ZC3H13: variants seen among roughly 807,000 people sequenced by gnomAD.
The protein encoded by ZC3H13 is zinc finger CCCH domain-containing protein 13.
ZC3H13 carries 64 observed loss-of-function variants against 204.1 expected under a neutral mutation model. That is an observed-to-expected ratio of 0.31 (90% CI 0.26 to 0.39). The LOEUF is 0.39. Among genes scored for constraint, ZC3H13 ranks in the 10% least tolerant of loss-of-function variants. The pLI is 1.00. For missense variants in ZC3H13, 1,833 were observed against 2,082.7 expected (o/e 0.88, Z 2.33); for synonymous variants, 667 against 693.7 (o/e 0.96, Z 0.60).
intron 4 of ZC3H13, among the ~76,000 whole-genome samples, chr13:46,033,465 T>C (rs1413338630): frequency 1.3e-5 from 2 of 151,594 alleles, no homozygotes; most frequent in African/African-American, 2.4e-5. Context: ...AAATGAATAA[T>C]GTCAACAGGG....
intron 17 of ZC3H13, 142 bp from the exon 18 acceptor site, chr13:45,959,788 AT>A: frequency 1.1e-6 from 1 of 933,948 alleles, no homozygotes; most frequent in Non-Finnish European, 1.5e-6. Context: ...AAGGCAATAT[AT>A]TCTCTGTGAA....
chr13:45,958,719 G>A (rs1479656344), intron 18 of ZC3H13, among the ~76,000 whole-genome samples: 2 of 140,058 alleles, frequency 1.4e-5, no homozygotes, highest in Admixed American at 7.8e-5. Flanking sequence ...GCAGTGGCAC[G>A]ATCTCTGCTC....
chr13:46,023,250 G>A lies in ZC3H13; in HGVS notation c.340-2693C>T, dbSNP rs147896448. On this transcript the variant is annotated intron_variant, in intron 4 of 18. Transcript: ENST00000679008. ...AGCCCTCTATTACAAGACTCTTGGG[G>A]GCAAAAATCTTAGCTCTGTGCTGTT... Among the ~76,000 whole-genome samples the A allele has an allele frequency of 1.2e-4, 18 of 152,132 alleles. No individual in the cohort carries two copies. The East Asian group carries it at 3.3e-3, about 28-fold the overall frequency.
At chr13:46,005,460 T>C (rs1441909509) in intron 7 of ZC3H13, among the ~76,000 whole-genome samples, 1 of 152,198 alleles carries the variant, frequency 6.6e-6, no homozygotes, top group Non-Finnish European at 1.5e-5. Context: ...TAATTCTAAA[T>C]TTGGCAATCT....
intron 12 of ZC3H13, among the ~76,000 whole-genome samples, chr13:45,974,880 G>C (rs1285635972): frequency 6.6e-6 from 1 of 151,190 alleles, no homozygotes; most frequent in Non-Finnish European, 1.5e-5. Flanking sequence ...CTGAGACAAG[G>C]TCTCGACCCA....
At chr13:45,962,640 T>C (rs1007018778) in intron 17 of ZC3H13, 1 of 981,388 alleles carries the variant, frequency 1.0e-6, no homozygotes, top group Admixed American at 6.2e-5. Context: ...TATATTAAAA[T>C]AAAAAAATTT....
At chr13:45,958,918 T>G (rs1055775837) in intron 18 of ZC3H13, among the ~76,000 whole-genome samples, 3 of 152,080 alleles carry the variant, frequency 2.0e-5, no homozygotes, top group South Asian at 2.1e-4. Context: ...CCTCCCAAAG[T>G]GCTGGGATTA....
At chr13:45,996,638 T>C (rs553327515) in intron 8 of ZC3H13, among the ~76,000 whole-genome samples, 13 of 152,274 alleles carry the variant, frequency 8.5e-5, no homozygotes, top group South Asian at 6.2e-4. Flanking sequence ...AGTTATCAGA[T>C]TGACTTGCAG....
chr13:45,994,331 C>T (rs1173472631), intron 8 of ZC3H13, among the ~76,000 whole-genome samples: 1 of 152,154 alleles, frequency 6.6e-6, no homozygotes, highest in Non-Finnish European at 1.5e-5. Context: ...AAAAGTTATA[C>T]AAGGATTTTC....
chr13:46,042,740 T>C (rs967447244), intron 3 of ZC3H13, among the ~76,000 whole-genome samples: 2 of 152,076 alleles, frequency 1.3e-5, no homozygotes, highest in African/African-American at 2.4e-5. Flanking sequence ...AAGAAGATAT[T>C]ACAAGAAATA....
At position 46,011,483 on chromosome 13, in the gene ZC3H13, G is replaced by T; in HGVS notation, c.520C>A (p.Gln174Lys). 6.2e-7 allele frequency: 1 copy of T among 1,603,600 alleles called. No homozygotes were observed. Among genetic ancestry groups the T allele is most frequent in the Non-Finnish European group, 8.5e-7 (1 of 1,175,072 alleles). ...LSLEMKRQKI[Q>K]RELMKLEQEN... is the part of the protein sequence containing the mutation. ...TGTTCCAGCTTCATTAATTCCCTCT[G>T]TATCTTCTGACGCTTCATTTCCAAT... Residue 174 changes from glutamine to lysine, a missense_variant, in exon 6 of 19, where the codon CAG (glutamine) becomes AAG (lysine). Physicochemically the swap from Gln to Lys is moderately conservative, Grantham distance 53. Around this residue, in one of 5 missense-constraint regions of ZC3H13, gnomAD observed 1,574 missense variants for 1,757.2 expected, o/e 0.90. Coordinates refer to ENST00000679008, the MANE Select transcript of ZC3H13 (RefSeq NM_001330564.2).
intron 1 of ZC3H13, among the ~76,000 whole-genome samples, chr13:46,048,666 C>T (rs1474029746): frequency 6.6e-6 from 1 of 151,050 alleles, no homozygotes; most frequent in Non-Finnish European, 1.5e-5. Context: ...ACTAATGATC[C>T]ACCTCCTCAC....
chr13:46,029,152 T>C (rs1467788523), intron 4 of ZC3H13, among the ~76,000 whole-genome samples: 2 of 152,128 alleles, frequency 1.3e-5, no homozygotes, highest in East Asian at 1.9e-4. Flanking sequence ...ATTAAAAATA[T>C]GATAAAGGTA....
intron 5 of ZC3H13, among the ~76,000 whole-genome samples, chr13:46,020,102 T>C (rs2042135613): frequency 6.6e-6 from 1 of 152,182 alleles, no homozygotes; most frequent in Non-Finnish European, 1.5e-5. Flanking sequence ...ATCTCATTTA[T>C]AATATTTTAT....
intron 7 of ZC3H13, among the ~76,000 whole-genome samples, chr13:46,004,959 CTT>C (rs2041027156): frequency 6.6e-6 from 1 of 152,176 alleles, no homozygotes; most frequent in South Asian, 2.1e-4. Flanking sequence ...AACTGGCTGT[CTT>C]TGCCTCTTAC....
At chr13:45,976,064 TCCCCGTCAACC>T in intron 11 of ZC3H13, 2 of 839,406 alleles carry the variant, frequency 2.4e-6, no homozygotes, top group Non-Finnish European at 2.9e-6. Context: ...TGTTTCCTGC[TCCCCGTCAACC>T]CCCTTCCCCC....
In ZC3H13 at chr13:46,034,476, T is replaced by G. The variant is rs548168644; in HGVS notation, c.339+7688A>C. Among the ~76,000 whole-genome samples, 3 of 152,268 alleles carry G rather than the reference T, an allele frequency of 2.0e-5. No individual in the cohort carries two copies. The South Asian group carries it at 6.2e-4, about 32-fold the overall frequency. ...ATAAAAGGAATGAACTACTGACATATGCAACAATGTGGTTGAATCTGGTAA... is the reference window on the plus strand; with the variant it reads ...ATAAAAGGAATGAACTACTGACATAGGCAACAATGTGGTTGAATCTGGTAA... On this transcript the variant is annotated intron_variant, in intron 4 of 18. Coordinates refer to ENST00000679008, the MANE Select transcript of ZC3H13 (RefSeq NM_001330564.2).
At chr13:45,995,309 G>A (rs2040253831) in intron 8 of ZC3H13, among the ~76,000 whole-genome samples, 1 of 152,138 alleles carries the variant, frequency 6.6e-6, no homozygotes, top group Admixed American at 6.5e-5. Flanking sequence ...ATTATTTAGG[G>A]TCATAAACTC....
intron 4 of ZC3H13, among the ~76,000 whole-genome samples, chr13:46,041,370 C>A (rs910277622): frequency 1.3e-5 from 2 of 152,020 alleles, no homozygotes; most frequent in Admixed American, 1.3e-4. Flanking sequence ...AATATATAGG[C>A]AAATCTCTAG....
Sources: gnomAD v4.1 joint callset for allele counts (sites outside exome capture counted in the v4.1 genomes callset) on GRCh38, gnomAD v4.1.1 for gene constraint, gnomAD v4.1.1 regional missense constraint, MANE v1.5 for transcripts, NCBI Gene and HGNC (gene_info 2026-07-23, HGNC 2026-07-21) for gene names.